Variants in ELMO1 observed in about 807,000 individuals in gnomAD.
ELMO1 encodes the protein engulfment and cell motility protein 1.
ELMO1 carries 26 observed loss-of-function variants against 98.9 expected under a neutral mutation model. That is an observed-to-expected ratio of 0.26 (90% CI 0.19 to 0.36). The LOEUF is 0.36. Among genes scored for constraint, ELMO1 ranks in the 10% least tolerant of loss-of-function variants. The pLI, the probability that ELMO1 is intolerant of heterozygous loss-of-function variation, is 1.00. For synonymous variants in ELMO1, 346 were observed against 346.0 expected (o/e 1.00, Z 0.00); for missense variants, 627 against 935.2 (o/e 0.67, Z 4.30).
At chr7:37,426,579 C>T (rs1439696996) in intron 1 of ELMO1, among the ~76,000 whole-genome samples, 1 of 152,132 alleles carries the variant, frequency 6.6e-6, no homozygotes, top group Admixed American at 6.5e-5. Context: ...TAAAGGTCAG[C>T]TCTCCTTGTT....
chr7:37,082,432 G>C (rs534227982), intron 15 of ELMO1, among the ~76,000 whole-genome samples: 1 of 152,092 alleles, frequency 6.6e-6, no homozygotes, highest in Non-Finnish European at 1.5e-5. Context: ...AGCCAGGTAC[G>C]GTGGCTCATG....
chr7:37,067,043 A>T (rs1384464542), intron 15 of ELMO1, among the ~76,000 whole-genome samples: 2 of 152,196 alleles, frequency 1.3e-5, no homozygotes, highest in East Asian at 3.8e-4. Flanking sequence ...GGGGCAGGAA[A>T]TATTTTTTAC....
At position 36,870,336 on chromosome 7, in the gene ELMO1, G is replaced by T; in HGVS notation, c.1905+57C>A. ...GCTATAAAGGAGGGCTAGGCTGGCT[G>T]CAGTTGCCGACCGCACTGGGCAAAT... On this transcript the variant is annotated intron_variant, in intron 20 of 21. Coordinates refer to ENST00000310758, the MANE Select transcript of ELMO1 (RefSeq NM_014800.11). This position sits in a 1 kb window ranked among gnomAD's most constrained non-coding sequence, Gnocchi z 4.4. The T allele has an allele frequency of 6.6e-7, 1 of 1,523,724 alleles. No homozygotes were observed. Among genetic ancestry groups the T allele is most frequent in the Non-Finnish European group, 9.1e-7 (1 of 1,100,002 alleles). 94.4% of individuals were successfully genotyped at this position (1,523,724 alleles called of 1,614,324 possible).
chr7:36,994,981 C>G (rs1792103448), intron 16 of ELMO1, among the ~76,000 whole-genome samples: 1 of 152,136 alleles, frequency 6.6e-6, no homozygotes, highest in Non-Finnish European at 1.5e-5. Context: ...TAAAGAAATT[C>G]CTCCTAGACT....
rs184535802 is a variant in ELMO1, at chr7:37,033,822, C to G, written c.1301-20387G>C. ...ACTAAGAGAAAGACTATTCATTGCC[C>G]GAGGCAGAAGGGAGTGGGTGGTTCA... On this transcript the variant is annotated intron_variant, in intron 15 of 21. Transcript: ENST00000310758. 4.0e-4 allele frequency among the ~76,000 whole-genome samples: 61 copies of G among 152,172 alleles called. 1 individual carries two copies. The highest frequency in any genetic ancestry group is 3.5e-3 in the Admixed American group (53 of 15,284).
chr7:36,972,570 C>T (rs1790061316), intron 16 of ELMO1, among the ~76,000 whole-genome samples: 1 of 152,142 alleles, frequency 6.6e-6, no homozygotes, highest in South Asian at 2.1e-4. Flanking sequence ...ATGACTGTCT[C>T]CTCCCTGTGT....
chr7:36,992,695 AG>A (rs1028729300), intron 16 of ELMO1, among the ~76,000 whole-genome samples: 4 of 152,226 alleles, frequency 2.6e-5, no homozygotes, highest in Admixed American at 1.3e-4. Flanking sequence ...CTAATGAATA[AG>A]TAAACCTCTT....
chr7:37,030,150 G>C (rs1794798852), intron 15 of ELMO1, among the ~76,000 whole-genome samples: 1 of 152,016 alleles, frequency 6.6e-6, no homozygotes, highest in African/African-American at 2.4e-5. Context: ...GACCATTTTA[G>C]ATAAGAAAAC....
intron 1 of ELMO1, among the ~76,000 whole-genome samples, chr7:37,368,092 T>A (rs1282075490): frequency 6.6e-6 from 1 of 152,194 alleles, no homozygotes; most frequent in Non-Finnish European, 1.5e-5. Context: ...CTGTGAGCCA[T>A]CAAACTTTTC....
chr7:36,882,924 T>C (rs1345985113), intron 18 of ELMO1, among the ~76,000 whole-genome samples: 1 of 152,238 alleles, frequency 6.6e-6, no homozygotes, highest in Non-Finnish European at 1.5e-5. Flanking sequence ...GAAAATGAAC[T>C]GGCTTTTCAT....
intron 7 of ELMO1, among the ~76,000 whole-genome samples, chr7:37,237,709 T>G (rs1031890743): frequency 6.6e-6 from 1 of 152,194 alleles, no homozygotes; most frequent in Admixed American, 6.5e-5. Context: ...GCCCTTTGAG[T>G]TTTTCCATCT....
At chr7:37,163,872 T>C (rs1349719863) in intron 13 of ELMO1, among the ~76,000 whole-genome samples, 6 of 152,306 alleles carry the variant, frequency 3.9e-5, no homozygotes, top group African/African-American at 7.2e-5. Flanking sequence ...ATGGCTGGGT[T>C]AAATGGTATT....
chr7:37,414,379 T>C (rs952509482), intron 1 of ELMO1, among the ~76,000 whole-genome samples: 7 of 152,194 alleles, frequency 4.6e-5, no homozygotes, highest in Admixed American at 3.3e-4. Flanking sequence ...ACATTACATG[T>C]AGAATATTAA....
chr7:37,298,913 CCCA>C (rs1271069390), intron 4 of ELMO1, among the ~76,000 whole-genome samples: 1 of 36,326 alleles, frequency 2.8e-5, no homozygotes, highest in African/African-American at 1.1e-4. Flanking sequence ...AGTTTACAGT[CCCA>C]CCAACAGTGT....
chr7:37,057,054 G>A (rs1007102510), intron 15 of ELMO1, among the ~76,000 whole-genome samples: 3 of 152,094 alleles, frequency 2.0e-5, no homozygotes, highest in Admixed American at 6.5e-5. Flanking sequence ...GTATAATATA[G>A]AAAAGATGAG....
At position 37,396,527 on chromosome 7, in the gene ELMO1, A is replaced by C. The variant is rs934694868; in HGVS notation, c.-74+52148T>G. Among the ~76,000 whole-genome samples, 3 of 152,216 alleles carry C rather than the reference A, an allele frequency of 2.0e-5. No homozygotes were observed. In the East Asian group the frequency reaches 5.8e-4, roughly 29 times the overall value. The stretch of plus-strand genomic sequence containing the variant: ...ATGCTTTATAGGGCATTAAAATGGC[A>C]ATTTGGGGGCTATCTTTTCTAATGG... On this transcript the variant is annotated intron_variant, in intron 1 of 21. Coordinates refer to ENST00000310758, the MANE Select transcript of ELMO1 (RefSeq NM_014800.11).
intron 4 of ELMO1, among the ~76,000 whole-genome samples, chr7:37,307,107 A>G (rs1798650438): frequency 6.6e-6 from 1 of 152,144 alleles, no homozygotes; most frequent in Non-Finnish European, 1.5e-5. Context: ...GGGCAAATCC[A>G]TTTCTCCTTC....
rs199945411 is a variant in ELMO1 at position 37,216,635 on chromosome 7, A to G, written c.831+10T>C. On this transcript the variant is annotated intron_variant, in intron 11 of 21. Transcript: ENST00000310758. ...CCCCCACAAAGAGGTCACAGCGCAT[A>G]GGTACTCACTGTTAAAATGATGGAA... 6 of 1,614,108 alleles carry G rather than the reference A, an allele frequency of 3.7e-6. No homozygotes were observed. Among genetic ancestry groups the G allele is most frequent in the Middle Eastern group, 3.3e-4 (2 of 6,058 alleles).
chr7:37,006,760 G>C (rs1221038571), intron 16 of ELMO1, among the ~76,000 whole-genome samples: 1 of 152,144 alleles, frequency 6.6e-6, no homozygotes, highest in African/African-American at 2.4e-5. Flanking sequence ...GAGAAATATT[G>C]CTCTGTACCA....
Sources: gnomAD v4.1 joint callset for allele counts (sites outside exome capture counted in the v4.1 genomes callset) on GRCh38, gnomAD v4.1.1 for gene constraint, Gnocchi (gnomAD v3.1) non-coding constraint, MANE v1.5 for transcripts, NCBI Gene and HGNC (gene_info 2026-07-23, HGNC 2026-07-21) for gene names.